LDLRAD4: variants seen among roughly 807,000 people sequenced by gnomAD.
LDLRAD4 encodes low-density lipoprotein receptor class A domain-containing protein 4.
LDLRAD4 carries 5 observed loss-of-function variants against 17.0 expected under a neutral mutation model. The ratio of observed to expected loss-of-function variants is 0.29; its 90% CI spans 0.15 to 0.62. LDLRAD4 has a LOEUF of 0.62. Ranked by LOEUF, LDLRAD4 falls within the 20% of genes least tolerant of loss-of-function variation. LDLRAD4 has a pLI of 0.84. For missense variants in LDLRAD4, 340 were observed against 424.7 expected (o/e 0.80, Z 1.75); for synonymous variants, 168 against 171.8 (o/e 0.98, Z 0.17).
intron 1 of LDLRAD4, among the ~76,000 whole-genome samples, chr18:13,344,176 G>A (rs2082543903): frequency 6.6e-6 from 1 of 152,190 alleles, no homozygotes; most frequent in African/African-American, 2.4e-5. Context: ...GTCCTGAATG[G>A]TATTGCCTAG....
chr18:13,333,451 G>C (rs938917487), intron 1 of LDLRAD4, among the ~76,000 whole-genome samples: 1 of 152,034 alleles, frequency 6.6e-6, no homozygotes, highest in East Asian at 1.9e-4. Context: ...TTCTTTTATG[G>C]ATCATGCCTT....
intron 2 of LDLRAD4, 33 bp downstream of exon 3, chr18:13,387,795 C>G (rs1402821488): frequency 4.4e-6 from 7 of 1,604,776 alleles, no homozygotes; most frequent in Non-Finnish European, 5.1e-6. Flanking sequence ...GAGGCTTTGC[C>G]TCCACTCCTG....
chr18:13,532,605 G>A (rs1454553233), intron 3 of LDLRAD4, among the ~76,000 whole-genome samples: 1 of 152,326 alleles, frequency 6.6e-6, no homozygotes, highest in South Asian at 2.1e-4. Context: ...TGGGCAGCTA[G>A]ATGACCTCAG....
chr18:13,287,049 A>C (rs1467093252), intron 1 of LDLRAD4, among the ~76,000 whole-genome samples: 1 of 152,184 alleles, frequency 6.6e-6, no homozygotes, highest in Non-Finnish European at 1.5e-5. Context: ...TCTGGAGGGC[A>C]AATGTGGGGA....
intron 1 of LDLRAD4, chr18:13,279,538 C>T (rs527361684): frequency 2.0e-5 from 3 of 152,320 alleles, no homozygotes; most frequent in Admixed American, 1.3e-4. Flanking sequence ...ACTATGCCCC[C>T]GAAGACTGAA....
intron 2 of LDLRAD4, among the ~76,000 whole-genome samples, chr18:13,429,791 C>T (rs2090202557): frequency 6.6e-6 from 1 of 152,226 alleles, no homozygotes; most frequent in East Asian, 1.9e-4. Flanking sequence ...GCAGCTCCCG[C>T]TTCTGCCGCA....
intron 4 of LDLRAD4, among the ~76,000 whole-genome samples, chr18:13,632,260 C>G (rs531766606): frequency 2.8e-4 from 42 of 152,374 alleles, no homozygotes; most frequent in African/African-American, 9.1e-4. Context: ...CTGCCCACTT[C>G]CCCTGGCAGG....
chr18:13,412,102 C>T (rs1383694113), intron 2 of LDLRAD4, among the ~76,000 whole-genome samples: 1 of 152,186 alleles, frequency 6.6e-6, no homozygotes, highest in Non-Finnish European at 1.5e-5. Flanking sequence ...CCTCAGCCTC[C>T]CAAGTGTTGA....
At chr18:13,387,426 T>C in exon 2 of LDLRAD4, 1 of 336,132 alleles carries the variant, frequency 3.0e-6, no homozygotes, top group Non-Finnish European at 5.4e-6. Flanking sequence ...GGCAGCGGCG[T>C]GGCCAGGGGC....
chr18:13,648,481 GA>G (rs950275462), exon 6 of LDLRAD4: 11 of 152,206 alleles, frequency 7.2e-5, no homozygotes, highest in African/African-American at 2.7e-4. Flanking sequence ...CCCTTCAGCA[GA>G]AGGAAAAGGT....
intron 1 of LDLRAD4, among the ~76,000 whole-genome samples, chr18:13,242,356 C>A (rs1449340108): frequency 6.6e-6 from 1 of 152,142 alleles, no homozygotes; most frequent in Non-Finnish European, 1.5e-5. Context: ...TTGTTTAATT[C>A]CTGCTGGTAC....
rs372066057 is a variant in LDLRAD4 at position 13,619,662 on chromosome 18, C to G, written c.182-1455C>G. 4.6e-5 allele frequency among the ~76,000 whole-genome samples: 7 copies of G among 152,188 alleles called. 1 individual carries two copies. The East Asian group carries it at 9.6e-4, about 21-fold the overall frequency. On this transcript the variant is annotated intron_variant, in intron 3 of 5. Coordinates refer to ENST00000359446, the Ensembl canonical transcript of LDLRAD4. ...CTTAGCGGACAGGCCACGGGGAACCCAAGAGCAACAGCACCCCCTTGGCTG... is the reference window on the plus strand; with the variant it reads ...CTTAGCGGACAGGCCACGGGGAACCGAAGAGCAACAGCACCCCCTTGGCTG...
chr18:13,629,836 C>T (rs2041506302), intron 4 of LDLRAD4, among the ~76,000 whole-genome samples: 1 of 151,756 alleles, frequency 6.6e-6, no homozygotes, highest in Non-Finnish European at 1.5e-5. Context: ...CTGGGTGGCC[C>T]CTGTTGGGGA....
At chr18:13,505,214 A>G (rs1338319728) in intron 3 of LDLRAD4, among the ~76,000 whole-genome samples, 1 of 152,216 alleles carries the variant, frequency 6.6e-6, no homozygotes, top group Non-Finnish European at 1.5e-5. Flanking sequence ...AGAAAAGGAG[A>G]TCTTCAGGCT....
rs545258719 is a variant in LDLRAD4 at position 13,470,554 on chromosome 18, CT to C, written c.181+32171del. 3.4e-3 allele frequency among the ~76,000 whole-genome samples: 497 copies of C among 147,402 alleles called. 2 individuals carry two copies. The highest frequency in any genetic ancestry group is 0.012 in the African/African-American group (455 of 39,554). On this transcript the variant is annotated intron_variant, in intron 3 of 5. Transcript: ENST00000359446. ...AGATGTGTAGGAAGTCACCCTGCCC[CT>C]GTCTGGCATCTAGTATGAGCTCTAG...
At chr18:13,415,684 C>T (rs905320800) in intron 2 of LDLRAD4, among the ~76,000 whole-genome samples, 4 of 152,328 alleles carry the variant, frequency 2.6e-5, no homozygotes, top group Non-Finnish European at 4.4e-5. Context: ...CCCCCCAGGA[C>T]GGTCCCTTGC....
intron 1 of LDLRAD4, among the ~76,000 whole-genome samples, chr18:13,261,121 G>C (rs1167886964): frequency 1.3e-5 from 2 of 152,228 alleles, no homozygotes; most frequent in African/African-American, 4.8e-5. Flanking sequence ...ACGATGGACT[G>C]TGTCTTAGCA....
At chr18:13,340,066 A>G (rs998722296) in intron 1 of LDLRAD4, among the ~76,000 whole-genome samples, 3 of 152,276 alleles carry the variant, frequency 2.0e-5, no homozygotes, top group African/African-American at 7.2e-5. Context: ...ACTGAGCATA[A>G]TGTTCATTTA....
At position 13,575,745 on chromosome 18, in the gene LDLRAD4, G is replaced by A. The variant is rs548537775; in HGVS notation, c.182-45372G>A. ...TCCACGCCAACATCTGTTATTTTTT[G>A]ATTTTTGGATTAAGGCCATTCTTGC... is the stretch of plus-strand genomic sequence containing the variant. On this transcript the variant is annotated intron_variant, in intron 3 of 5. Transcript: ENST00000359446. 1.7e-4 allele frequency among the ~76,000 whole-genome samples: 26 copies of A among 152,240 alleles called. 1 individual carries two copies. The South Asian group carries it at 4.8e-3, about 28-fold the overall frequency.
Sources: gnomAD v4.1 joint callset for allele counts (sites outside exome capture counted in the v4.1 genomes callset) on GRCh38, gnomAD v4.1.1 for gene constraint, MANE v1.5 for transcripts, NCBI Gene and HGNC (gene_info 2026-07-23, HGNC 2026-07-21) for gene names.